Variants in FUS observed in about 807,000 individuals in gnomAD.
FUS encodes the protein FUS RNA binding protein, also known as RNA-binding protein FUS.
In FUS, 5 loss-of-function variants were observed where a neutral mutation model predicts 82.7. The ratio of observed to expected loss-of-function variants is 0.06; its 90% CI spans 0.03 to 0.13. The LOEUF (loss-of-function observed/expected upper bound fraction) is 0.13, where lower values mean the gene tolerates loss of function less well. Ranked by LOEUF, FUS falls within the 10% of genes least tolerant of loss-of-function variation. The pLI, the probability that FUS is intolerant of heterozygous loss-of-function variation, is 1.00. For synonymous variants in FUS, 281 were observed against 247.4 expected, an observed-to-expected ratio of 1.14 and a Z score of -1.27; for missense variants, 512 against 707.8, an observed-to-expected ratio of 0.72 and a Z score of 3.14.
chr16:31,180,769 C>T (rs567465358), intron 1 of FUS, among the ~76,000 whole-genome samples: 2 of 152,328 alleles, frequency 1.3e-5, no homozygotes, highest in Admixed American at 6.5e-5. Flanking sequence ...TGGGCGGGAT[C>T]GCTCCGTTCC....
chr16:31,192,502 C>CATATGT (rs777785833), downstream of FUS: 58 of 515,592 alleles, frequency 1.1e-4, 1 homozygote, highest in Admixed American at 1.3e-3. Context: ...GCTGCCATCA[C>CATATGT]AAGCATAGCT....
intron 6 of FUS, chr16:31,186,308 T>C: frequency 3.3e-6 from 1 of 307,316 alleles, no homozygotes; most frequent in Non-Finnish European, 6.1e-6. Context: ...TTGTCTTGCT[T>C]TAAGGGGAAG....
rs1361062202 is a variant in FUS, at chr16:31,184,476, C to G, written c.523+80C>G. On this transcript the variant is annotated intron_variant, in intron 5 of 14. Coordinates refer to ENST00000254108, the MANE Select transcript of FUS (RefSeq NM_004960.4). ...TTTTTGAGACGGAGTCTTGCTCTGTCTCTGTTGCTGAGGCTGGAGTGCAGT... is the reference window on the plus strand; with the variant it reads ...TTTTTGAGACGGAGTCTTGCTCTGTGTCTGTTGCTGAGGCTGGAGTGCAGT... The G allele has an allele frequency of 1.4e-5, 18 of 1,330,212 alleles. No individual in the cohort carries two copies. In the Admixed American group the frequency reaches 1.7e-4, roughly 13 times the overall value. The allele number at this position is 1,330,212 out of a possible 1,614,324, so 82.4% of individuals were successfully genotyped here.
At chr16:31,191,914 T>G (rs752574511), downstream of FUS, 28 of 534,900 alleles carry the variant, frequency 5.2e-5, no homozygotes, top group Non-Finnish European at 1.0e-4. Context: ...AGTTTATCCC[T>G]TTTTAAGAAC....
chr16:31,188,958 G>A (rs2079312399), intron 8 of FUS, 165 bp from the exon 9 acceptor site: 4 of 650,718 alleles, frequency 6.1e-6, no homozygotes, highest in Non-Finnish European at 1.1e-5. Flanking sequence ...AAATTTATCA[G>A]CATGGCTGGC....
At position 31,180,179 on chromosome 16, in the gene FUS, T is replaced by C. The variant is rs750034148; in HGVS notation, c.-36T>C. On this transcript the variant is annotated 5_prime_UTR_variant, in exon 1 of 15. Transcript: ENST00000254108. ...CGTCGGTACTCAGCGGTGTTGGAAC[T>C]TCGTTGCTTGCTTGCCTGTGCGCGC... 2.5e-6 allele frequency: 4 copies of C among 1,608,136 alleles called. No individual in the cohort carries two copies. In the South Asian group the frequency reaches 4.4e-5, roughly 18 times the overall value.
intron 7 of FUS, chr16:31,187,126 C>G: frequency 7.8e-6 from 4 of 516,098 alleles, no homozygotes; most frequent in Non-Finnish European, 1.4e-5. Flanking sequence ...CACTTAGTGA[C>G]CATCATCATG....
rs1268246934 is a variant in FUS, at chr16:31,189,378, T to TA, written c.936+153dup. ...AATTTGTTGAGGAAAGAGCCTTAGT[T>TA]ACTGTTTTCTAAAAGAGAAGTTCTA... is the stretch of plus-strand genomic sequence containing the variant. On this transcript the variant is annotated intron_variant, in intron 9 of 14. Coordinates refer to ENST00000254108, the MANE Select transcript of FUS (RefSeq NM_004960.4). The TA allele has an allele frequency of 8.8e-6, 7 of 791,508 alleles. No homozygotes were observed. In the East Asian group the frequency reaches 1.5e-4, roughly 17 times the overall value. 49.0% of individuals were successfully genotyped at this position (791,508 alleles called of 1,614,324 possible). A position where few individuals can be genotyped will look rare whatever the true frequency, so the allele number is the denominator to read the frequency against.
downstream of FUS, chr16:31,192,470 T>A (rs747352708): frequency 1.4e-5 from 7 of 518,430 alleles, no homozygotes; most frequent in Non-Finnish European, 2.3e-5. Flanking sequence ...TTACAGGGTT[T>A]TCGAACTTGG....
intron 6 of FUS, 161 bp downstream of exon 6, chr16:31,185,340 T>C: frequency 1.2e-6 from 1 of 863,162 alleles, no homozygotes. Context: ...TACATCCCCA[T>C]TTTATTTTTG....
At chr16:31,188,003 C>T (rs2079295389) in intron 7 of FUS, 1 of 449,666 alleles carries the variant, frequency 2.2e-6, no homozygotes, top group South Asian at 2.5e-5. Context: ...GGTTTGTTCA[C>T]TTTAATGGGT....
At chr16:31,191,978 T>C (rs1449838810), downstream of FUS, 2 of 533,338 alleles carry the variant, frequency 3.7e-6, no homozygotes, top group Admixed American at 2.2e-5. Flanking sequence ...TACATTTAAA[T>C]GGGGCAGTAT....
chr16:31,192,222 T>C (rs1225506103), downstream of FUS: 1 of 525,762 alleles, frequency 1.9e-6, no homozygotes, highest in Non-Finnish European at 3.7e-6. Context: ...TCATTGACAT[T>C]ATGAGATTTT....
At chr16:31,189,934 A>G (rs1211032681) in intron 10 of FUS, 106 bp from the exon 11 acceptor site, 7 of 1,564,374 alleles carry the variant, frequency 4.5e-6, no homozygotes, top group African/African-American at 1.4e-5. Context: ...ATTTTTGCTT[A>G]TGTGTCAGCA....
At chr16:31,188,613 GTGATGC>G (rs1567475818) in intron 8 of FUS, 1 of 581,798 alleles carries the variant, frequency 1.7e-6, no homozygotes. Context: ...CAAGTCCCCA[GTGATGC>G]TGATGCGTCT....
chr16:31,188,395 A>C, intron 8 of FUS, 38 bp downstream of exon 8: 5 of 1,607,836 alleles, frequency 3.1e-6, no homozygotes, highest in Non-Finnish European at 4.3e-6. Flanking sequence ...GAGTGGCTAA[A>C]GTGGTATCAA....
intron 8 of FUS, chr16:31,188,829 A>G: frequency 6.0e-6 from 3 of 497,526 alleles, no homozygotes; most frequent in Middle Eastern, 5.4e-4. Flanking sequence ...CTGAAAGTTG[A>G]TAAATACTGA....
At chr16:31,181,751 CAT>C (rs1461560755) in intron 1 of FUS, among the ~76,000 whole-genome samples, 1 of 152,142 alleles carries the variant, frequency 6.6e-6, no homozygotes, top group Non-Finnish European at 1.5e-5. Context: ...ATGGCTTTCT[CAT>C]AGAGTGGATG....
At position 31,182,638 on chromosome 16, in the gene FUS, ATTC is replaced by A. The variant is rs777545405; in HGVS notation, c.170_172del (p.Ser57del). On this transcript the variant is annotated inframe_deletion, in exon 3 of 15. Coordinates refer to ENST00000254108, the MANE Select transcript of FUS (RefSeq NM_004960.4). ...ACTTCAGGCTATGGCCAGAGCAGCTATTCTTCTTATGGCCAGAGCCAGAACAGT... is the reference window on the plus strand; with the variant it reads ...ACTTCAGGCTATGGCCAGAGCAGCTATTCTTATGGCCAGAGCCAGAACAGT... 2.4e-4 allele frequency: 390 copies of A among 1,614,176 alleles called. No individual in the cohort carries two copies. The highest frequency in any genetic ancestry group is 2.8e-4 in the Non-Finnish European group (332 of 1,179,982).
Sources: allele counts gnomAD v4.1 joint callset (sites outside exome capture counted in the v4.1 genomes callset), GRCh38; gene constraint gnomAD v4.1.1; transcripts MANE v1.5; gene names NCBI Gene and HGNC (gene_info 2026-07-23, HGNC 2026-07-21).